Variants in SLC36A1 observed in about 807,000 individuals in gnomAD.
The protein encoded by SLC36A1 is proton-coupled amino acid transporter 1.
In SLC36A1, 30 loss-of-function variants were observed where a neutral mutation model predicts 47.5. That is an observed-to-expected ratio of 0.63 (90% confidence interval 0.47 to 0.86). The LOEUF is 0.86. Ranked by LOEUF, SLC36A1 falls within the 40% of genes least tolerant of loss-of-function variation. SLC36A1 has a pLI of 0.00. For missense variants in SLC36A1, 517 were observed against 606.0 expected, an observed-to-expected ratio of 0.85 and a Z score of 1.54; for synonymous variants, 255 against 249.7, an observed-to-expected ratio of 1.02 and a Z score of -0.20.
the SLC36A1 span, among the ~76,000 whole-genome samples, chr5:151,555,284 T>G: frequency 1.3e-5 from 2 of 152,238 alleles, no homozygotes; most frequent in African/African-American, 4.8e-5. Context: ...AAGGTAAATA[T>G]CTGTTACTGA....
the SLC36A1 span, among the ~76,000 whole-genome samples, chr5:151,391,157 T>G: frequency 6.6e-6 from 1 of 152,076 alleles, no homozygotes; most frequent in Non-Finnish European, 1.5e-5. Flanking sequence ...GGTATTTTAT[T>G]CTCTTTGAAG....
chr5:151,357,901 C>CAGATAAGACAGATA, the SLC36A1 span, among the ~76,000 whole-genome samples: 1 of 152,182 alleles, frequency 6.6e-6, no homozygotes, highest in Non-Finnish European at 1.5e-5. Context: ...TAAGATTTAA[C>CAGATAAGACAGATA]AGTGTTTAAT....
chr5:151,531,795 C>T, the SLC36A1 span: 5 of 1,612,998 alleles, frequency 3.1e-6, no homozygotes, highest in Non-Finnish European at 4.2e-6. The surrounding 1 kb of genome is among the most constrained non-coding windows in gnomAD (Gnocchi z 5.7). Context: ...TGACGGTGCC[C>T]AGCGTGGACA....
chr5:151,456,004 A>G (rs1754439460), intron 1 of SLC36A1, among the ~76,000 whole-genome samples: 1 of 152,034 alleles, frequency 6.6e-6, no homozygotes, highest in Admixed American at 6.5e-5. Context: ...TAATTATTTA[A>G]CTCAAGGGGG....
chr5:151,368,316 G>C, the SLC36A1 span, among the ~76,000 whole-genome samples: 51,965 of 152,160 alleles, frequency 0.34, 13,131 homozygotes, highest in African/African-American at 0.71. Flanking sequence ...CTCTGCTTAA[G>C]CTTGCCTAGA....
the SLC36A1 span, among the ~76,000 whole-genome samples, chr5:151,398,315 T>G: frequency 6.6e-6 from 1 of 152,210 alleles, no homozygotes; most frequent in East Asian, 1.9e-4. Context: ...GCAGGAGTTC[T>G]GTTTCTACGC....
At chr5:151,476,229 G>T (rs1363174437) in intron 8 of SLC36A1, among the ~76,000 whole-genome samples, 1 of 152,232 alleles carries the variant, frequency 6.6e-6, no homozygotes, top group African/African-American at 2.4e-5. Flanking sequence ...TAGATGCCAG[G>T]TGGGCATGAC....
chr5:151,442,696 G>C (rs1048878810), upstream of SLC36A1, among the ~76,000 whole-genome samples: 1 of 151,976 alleles, frequency 6.6e-6, no homozygotes, highest in Non-Finnish European at 1.5e-5. Context: ...CAGTACAATT[G>C]TATAACCTAT....
chr5:151,538,515 C>T, the SLC36A1 span, among the ~76,000 whole-genome samples: 2 of 152,140 alleles, frequency 1.3e-5, no homozygotes, highest in African/African-American at 4.8e-5. Context: ...ACCGTCATGG[C>T]ATCTGAGGGA....
the SLC36A1 span, chr5:151,347,298 T>C: frequency 6.8e-6 from 11 of 1,614,074 alleles, no homozygotes; most frequent in African/African-American, 1.5e-4. Context: ...AGCACTCACG[T>C]TATGCCCTTG....
the SLC36A1 span, among the ~76,000 whole-genome samples, chr5:151,377,852 T>G: frequency 6.6e-6 from 1 of 152,252 alleles, no homozygotes; most frequent in Non-Finnish European, 1.5e-5. Context: ...CACTTTTGGT[T>G]TCTGTTCATG....
chr5:151,419,368 C>A, the SLC36A1 span, among the ~76,000 whole-genome samples: 1 of 152,200 alleles, frequency 6.6e-6, no homozygotes, highest in African/African-American at 2.4e-5. Context: ...TGGATTCTAG[C>A]AGCTCTGGCT....
intron 6 of SLC36A1, 107 bp downstream of exon 6, chr5:151,467,390 CAA>C (rs1161677609): frequency 3.8e-6 from 3 of 785,676 alleles, no homozygotes; most frequent in East Asian, 2.6e-5. Flanking sequence ...CTTTTGTCAA[CAA>C]AAGAGTTAAA....
chr5:151,541,672 G>A, the SLC36A1 span, among the ~76,000 whole-genome samples: 3 of 152,232 alleles, frequency 2.0e-5, no homozygotes, highest in African/African-American at 7.2e-5. Context: ...GGGTAATTTA[G>A]TTTTACAGTA....
the SLC36A1 span, among the ~76,000 whole-genome samples, chr5:151,497,646 G>A: frequency 6.6e-6 from 1 of 152,186 alleles, no homozygotes; most frequent in Non-Finnish European, 1.5e-5. Flanking sequence ...GAAAGGCTGC[G>A]TGGGTTTCTT....
the SLC36A1 span, chr5:151,406,322 C>T: frequency 2.0e-5 from 3 of 152,198 alleles, no homozygotes; most frequent in Non-Finnish European, 2.9e-5. Flanking sequence ...TGTCCAAGAT[C>T]CAATAGCTTG....
chr5:151,523,775 C>T, the SLC36A1 span, among the ~76,000 whole-genome samples: 1 of 152,270 alleles, frequency 6.6e-6, no homozygotes, highest in East Asian at 1.9e-4. Context: ...ACCCACTGGA[C>T]ACCTCTGCTT....
At chr5:151,551,399 G>T in the SLC36A1 span, 2 of 1,559,274 alleles carry the variant, frequency 1.3e-6, no homozygotes, top group South Asian at 1.2e-5. Context: ...AACCTCTGTA[G>T]CCTCATCCCA....
At chr5:151,476,450 A>G in intron 8 of SLC36A1, 140 bp from the exon 9 acceptor site, 1 of 634,690 alleles carries the variant, frequency 1.6e-6, no homozygotes, top group Non-Finnish European at 2.6e-6. Flanking sequence ...CTGATGAAAT[A>G]ACTTTATTTA....
Sources: gnomAD v4.1 joint callset for allele counts (sites outside exome capture counted in the v4.1 genomes callset) on GRCh38, gnomAD v4.1.1 for gene constraint, Gnocchi (gnomAD v3.1) non-coding constraint, MANE v1.5 for transcripts, NCBI Gene and HGNC (gene_info 2026-07-23, HGNC 2026-07-21) for gene names.